CEP290: variants seen among roughly 807,000 people sequenced by gnomAD.
CEP290 encodes centrosomal protein 290.
CEP290 carries 317 observed loss-of-function variants against 344.9 expected under a neutral mutation model. The ratio of observed to expected loss-of-function variants is 0.92; its 90% CI spans 0.84 to 1.01. The LOEUF is 1.01. Ranked by LOEUF, CEP290 falls within the 50% of genes least tolerant of loss-of-function variation. The probability of loss-of-function intolerance (pLI) is 0.00; values close to 1 mark genes in which losing one functional copy is unlikely to be tolerated. For missense variants in CEP290, 2,754 were observed against 2,761.4 expected, an observed-to-expected ratio of 1.00 and a Z score of 0.06; for synonymous variants, 932 against 895.8, an observed-to-expected ratio of 1.04 and a Z score of -0.72.
intron 10 of CEP290, 73 bp downstream of exon 10, chr12:88,129,621 T>G (rs61265751): frequency 2.3e-6 from 2 of 874,306 alleles, no homozygotes; most frequent in Non-Finnish European, 3.4e-6. Flanking sequence ...AAAAGTACTT[T>G]CTAGTGTCAA....
At chr12:88,056,242 A>C (rs1330976668) in intron 49 of CEP290, among the ~76,000 whole-genome samples, 9 of 152,114 alleles carry the variant, frequency 5.9e-5, no homozygotes, top group Non-Finnish European at 1.2e-4. Context: ...ATAATCATTA[A>C]AGAAATGATT....
chr12:88,049,959 A>G (rs1270840224), intron 53 of CEP290: 1 of 166,968 alleles, frequency 6.0e-6, no homozygotes, highest in Admixed American at 6.5e-5. Context: ...TAATTCTCAT[A>G]TCCATGCCTT....
chr12:88,071,719 T>C, intron 42 of CEP290, 62 bp downstream of exon 42: 2 of 1,283,928 alleles, frequency 1.6e-6, no homozygotes, highest in African/African-American at 3.1e-5. Flanking sequence ...TAAAGCTATA[T>C]AATTTCCAGG....
intron 26 of CEP290, among the ~76,000 whole-genome samples, chr12:88,097,594 T>C (rs11104734): frequency 4.0e-4 from 48 of 118,790 alleles, no homozygotes; most frequent in East Asian, 1.1e-3. Context: ...CATATATATA[T>C]ACACACACAC....
intron 23 of CEP290, among the ~76,000 whole-genome samples, 190 bp from the exon 24 acceptor site, chr12:88,107,288 A>T (rs1409192276): frequency 6.6e-6 from 1 of 152,164 alleles, no homozygotes; most frequent in Non-Finnish European, 1.5e-5. Flanking sequence ...AAAATTTTTT[A>T]AATAAATGCA....
intron 44 of CEP290, among the ~76,000 whole-genome samples, chr12:88,065,969 C>T (rs940234976): frequency 6.6e-6 from 1 of 152,138 alleles, no homozygotes; most frequent in Non-Finnish European, 1.5e-5. Flanking sequence ...CGGTTAAAAG[C>T]CATCAACTAC....
Position 88,125,345 on chromosome 12 carries a change from T to C in CEP290, c.1090A>G (p.Ile364Val). 1 of 1,320,316 alleles carries C rather than the reference T, an allele frequency of 7.6e-7. No homozygotes were observed. The highest frequency in any genetic ancestry group is 1.5e-5 in the African/African-American group (1 of 65,522). 81.8% of individuals were successfully genotyped at this position (1,320,316 alleles called of 1,614,324 possible). Residue 364 changes from isoleucine (I) to valine (V), a missense_variant, in exon 13 of 54, where the codon ATT becomes GTT. Ile to Val is a conservative substitution (Grantham distance 29). Coordinates refer to ENST00000552810, the MANE Select transcript of CEP290 (RefSeq NM_025114.4). ...QQGIQERDSQ[I>V]KMLTEQVEQY... ...TCTACTTGTTCGGTGAGCATCTTAA[T>C]TTGACTGTCTCGTTCCTGTATACCC...
chr12:88,084,456 GCAAGTAA>G, intron 35 of CEP290, 123 bp downstream of exon 35: 1 of 842,720 alleles, frequency 1.2e-6, no homozygotes, highest in Non-Finnish European at 1.8e-6. Flanking sequence ...CCAATCACAT[GCAAGTAA>G]CAATTCTTAA....
At chr12:88,083,777 G>A in intron 36 of CEP290, 70 bp downstream of exon 36, 1 of 983,982 alleles carries the variant, frequency 1.0e-6, no homozygotes, top group Non-Finnish European at 1.5e-6. Context: ...CAAAAAAGAA[G>A]AGAGCTGAAT....
At chr12:88,073,401 CATTAT>C (rs1174330832) in intron 41 of CEP290, among the ~76,000 whole-genome samples, 1 of 152,156 alleles carries the variant, frequency 6.6e-6, no homozygotes, top group Non-Finnish European at 1.5e-5. Flanking sequence ...ATGACTAGTT[CATTAT>C]ATTTTCCAAT....
At chr12:88,117,670 T>C (rs1465391257) in intron 17 of CEP290, among the ~76,000 whole-genome samples, 1 of 152,204 alleles carries the variant, frequency 6.6e-6, no homozygotes, top group Non-Finnish European at 1.5e-5. Flanking sequence ...ACTGTTCTCT[T>C]TAGCTCAAGT....
intron 27 of CEP290, among the ~76,000 whole-genome samples, chr12:88,094,632 T>C (rs1421303199): frequency 2.6e-5 from 4 of 151,542 alleles, no homozygotes; most frequent in African/African-American, 9.7e-5. Flanking sequence ...CAATTTACCA[T>C]AAAAAGGCAT....
At chr12:88,137,595 T>C (rs2040417465) in intron 5 of CEP290, among the ~76,000 whole-genome samples, 1 of 152,186 alleles carries the variant, frequency 6.6e-6, no homozygotes, top group Non-Finnish European at 1.5e-5. Flanking sequence ...CCAAAAAGCA[T>C]TCCATTGTGC....
At position 88,049,139 on chromosome 12, in the gene CEP290, T is replaced by G; in HGVS notation, c.*45A>C. The G allele has an allele frequency of 1.7e-6, 2 of 1,154,452 alleles. No individual in the cohort carries two copies. Among genetic ancestry groups the G allele is most frequent in the Non-Finnish European group, 2.5e-6 (2 of 799,764 alleles). 71.5% of individuals were successfully genotyped at this position (1,154,452 alleles called of 1,614,324 possible). On this transcript the variant is annotated 3_prime_UTR_variant, in exon 54 of 54. Transcript: ENST00000552810. The stretch of plus-strand genomic sequence containing the variant: ...CTTATTTCCAAGTATATTTAACTTA[T>G]AAAGTTAATAAATAGTTAAATGAAA...
At chr12:88,077,967 C>T (rs980576384) in intron 39 of CEP290, 49 bp from the exon 40 acceptor site, 19 of 790,574 alleles carry the variant, frequency 2.4e-5, no homozygotes, top group Admixed American at 1.4e-4. Context: ...CAAGAAGTAT[C>T]AATGATAAAA....
At chr12:88,112,556 T>C (rs576237935) in intron 20 of CEP290, among the ~76,000 whole-genome samples, 1 of 152,210 alleles carries the variant, frequency 6.6e-6, no homozygotes, top group African/African-American at 2.4e-5. Flanking sequence ...TCTAAGTATA[T>C]ACACACAATG....
intron 4 of CEP290, 48 bp from the exon 5 acceptor site, chr12:88,139,239 C>A (rs1175401641): frequency 1.3e-6 from 1 of 748,452 alleles, no homozygotes; most frequent in Non-Finnish European, 2.1e-6. Context: ...TTAGTTACCA[C>A]AAAACAAACT....
chr12:88,065,992 T>A (rs2034894218), intron 44 of CEP290, among the ~76,000 whole-genome samples: 1 of 152,134 alleles, frequency 6.6e-6, no homozygotes, highest in South Asian at 2.1e-4. Flanking sequence ...AAAATCAAAT[T>A]CTTAGTGGAT....
rs1185071952 is a variant in CEP290, at chr12:88,089,726, G to GT, written c.3574-240dup. ...GAATAACAGTGGGTATGTTACTGGT[G>GT]TTTTTTTTTTTTTTTTTTGAGACAG... On this transcript the variant is annotated intron_variant, in intron 30 of 53. Coordinates refer to ENST00000552810, the MANE Select transcript of CEP290 (RefSeq NM_025114.4). 0.017 allele frequency among the ~76,000 whole-genome samples: 2,167 copies of GT among 130,878 alleles called. 39 individuals are homozygous for GT. Among genetic ancestry groups the GT allele is most frequent in the African/African-American group, 0.037 (1,317 of 35,622 alleles). 85.9% of individuals were successfully genotyped at this position (130,878 alleles called of 152,430 possible).
Sources: gnomAD v4.1 joint callset for allele counts (sites outside exome capture counted in the v4.1 genomes callset) on GRCh38, gnomAD v4.1.1 for gene constraint, MANE v1.5 for transcripts, NCBI Gene and HGNC (gene_info 2026-07-23, HGNC 2026-07-21) for gene names.